Variants in PUM3 observed in about 807,000 individuals in gnomAD.
The protein encoded by PUM3 is pumilio RNA binding family member 3.
In PUM3, 91 loss-of-function variants were observed where a neutral mutation model predicts 84.0. The observed-to-expected ratio is 1.08, with a 90% CI of 0.91 to 1.29. The LOEUF (loss-of-function observed/expected upper bound fraction) is 1.29, where lower values mean the gene tolerates loss of function less well. PUM3 is among the 50% of genes most tolerant of loss of function. The pLI is 0.00. For missense variants in PUM3, 1,067 were observed against 767.5 expected, an observed-to-expected ratio of 1.39 and a Z score of -4.61; for synonymous variants, 321 against 266.7, an observed-to-expected ratio of 1.20 and a Z score of -1.98.
At chr9:2,819,640 T>C (rs143346028) in intron 13 of PUM3, among the ~76,000 whole-genome samples, 13 of 152,320 alleles carry the variant, frequency 8.5e-5, no homozygotes, top group African/African-American at 3.1e-4. Context: ...TCTCTGCTTG[T>C]ATTTGAGTTC....
At chr9:2,840,313 A>C (rs1169469029) in intron 1 of PUM3, among the ~76,000 whole-genome samples, 1 of 152,208 alleles carries the variant, frequency 6.6e-6, no homozygotes, top group Non-Finnish European at 1.5e-5. Flanking sequence ...GTCAGAGGAA[A>C]ATTAAGCTCC....
chr9:2,816,213 G>A (rs574745195), intron 13 of PUM3, among the ~76,000 whole-genome samples: 4 of 152,292 alleles, frequency 2.6e-5, no homozygotes, highest in African/African-American at 9.6e-5. Flanking sequence ...TAGTGAAGAG[G>A]GAAGAGAGTT....
chr9:2,816,562 T>A (rs1211350120), intron 13 of PUM3, among the ~76,000 whole-genome samples: 1 of 152,212 alleles, frequency 6.6e-6, no homozygotes, highest in Non-Finnish European at 1.5e-5. Context: ...TCTATCGCCA[T>A]GGAGCTCACA....
intron 13 of PUM3, among the ~76,000 whole-genome samples, chr9:2,819,215 CAAAAG>C (rs1394758017): frequency 3.9e-5 from 6 of 152,132 alleles, no homozygotes; most frequent in South Asian, 2.1e-4. Flanking sequence ...ACACTAAAAA[CAAAAG>C]AAAAGACAAT....
chr9:2,840,450 C>A (rs377190959), intron 1 of PUM3, among the ~76,000 whole-genome samples: 3 of 152,156 alleles, frequency 2.0e-5, no homozygotes, highest in African/African-American at 7.2e-5. Flanking sequence ...GTTTTACCTG[C>A]TAACTTTAGC....
chr9:2,831,323 T>A lies in PUM3; in HGVS notation c.538A>T (p.Thr180Ser), dbSNP rs1219804185. ...IKTIAFAHDS[T>S]RVIQCYIQYG... Reference sequence around the variant, plus strand: ...TGAATGTAACACTGGATCACACGAGTTGAATCGTGTGCAAATGCAATCTGC... The same window carrying A: ...TGAATGTAACACTGGATCACACGAGATGAATCGTGTGCAAATGCAATCTGC... Residue 180 changes from threonine to serine, a missense_variant, in exon 6 of 18, where the codon ACT becomes TCT. Coordinates refer to ENST00000397885, the MANE Select transcript of PUM3 (RefSeq NM_014878.5). The A allele has an allele frequency of 1.2e-6, 2 of 1,607,548 alleles. No individual in the cohort carries two copies. The highest frequency in any genetic ancestry group is 4.5e-5 in the East Asian group (2 of 44,756).
chr9:2,816,682 C>T (rs1821476296), intron 13 of PUM3, among the ~76,000 whole-genome samples: 1 of 152,262 alleles, frequency 6.6e-6, no homozygotes, highest in South Asian at 2.1e-4. Flanking sequence ...GGCCTGGCCA[C>T]TCATTTACCT....
At chr9:2,823,508 G>C (rs1042471305) in intron 12 of PUM3, among the ~76,000 whole-genome samples, 1 of 151,982 alleles carries the variant, frequency 6.6e-6, no homozygotes, top group African/African-American at 2.4e-5. Flanking sequence ...CACCAAAAAA[G>C]CTAGTAAATA....
chr9:2,833,191 C>G (rs1816029460), intron 5 of PUM3, among the ~76,000 whole-genome samples, 166 bp downstream of exon 5: 1 of 152,122 alleles, frequency 6.6e-6, no homozygotes, highest in South Asian at 2.1e-4. Context: ...TAAGGTCCCT[C>G]ACTTTTAAAT....
intron 12 of PUM3, among the ~76,000 whole-genome samples, chr9:2,820,684 GAATAT>G (rs1821571625): frequency 6.6e-6 from 1 of 151,704 alleles, no homozygotes; most frequent in Non-Finnish European, 1.5e-5. Context: ...CACAAAATTA[GAATAT>G]AAATATGAAA....
chr9:2,838,530 A>C lies in PUM3; in HGVS notation c.-10-13T>G, dbSNP rs1182655692. ...CATCGTAGCAACTCTGGAAAACCAA[A>C]ACCAAAACCAAAAACAATCACTGCA... On this transcript the variant is annotated splice_polypyrimidine_tract_variant and intron_variant, in intron 1 of 17. Transcript: ENST00000397885. The C allele has an allele frequency of 6.5e-7, 1 of 1,532,658 alleles. No individual in the cohort carries two copies. Among genetic ancestry groups the C allele is most frequent in the South Asian group, 1.1e-5 (1 of 89,332 alleles). The allele number at this position is 1,532,658 out of a possible 1,614,324, so 94.9% of individuals were successfully genotyped here. A position where few individuals can be genotyped will look rare whatever the true frequency, so the allele number is the denominator to read the frequency against.
At chr9:2,832,340 AGGAACTCG>A (rs1237133908) in intron 5 of PUM3, among the ~76,000 whole-genome samples, 2 of 152,226 alleles carry the variant, frequency 1.3e-5, no homozygotes. Flanking sequence ...GGTTATGAGA[AGGAACTCG>A]CTATCTCTAT....
At position 2,810,375 on chromosome 9, in the gene PUM3, T is replaced by C. The variant is rs770034097; in HGVS notation, c.1692A>G (p.Gln564=). Residue 564 remains glutamine, a synonymous_variant, in exon 16 of 18, where the codon CAA becomes CAG. Coordinates refer to ENST00000397885, the MANE Select transcript of PUM3 (RefSeq NM_014878.5). ...GHLVLKWLIE[Q]DKKMKENGRE... ...TCCCATTTTCTTTCATCTTTTTATC[T>C]TGCTCTATTAACCACTTCAGAACTA... The C allele has an allele frequency of 6.2e-7, 1 of 1,612,070 alleles. No homozygotes were observed. Among genetic ancestry groups the C allele is most frequent in the South Asian group, 1.1e-5 (1 of 90,980 alleles).
intron 9 of PUM3, 113 bp from the exon 10 acceptor site, chr9:2,827,264 G>A (rs1027916626): frequency 1.5e-6 from 1 of 667,042 alleles, no homozygotes. Context: ...TGGTTTTACT[G>A]AATACAATTT....
chr9:2,827,230 CTAAAG>C (rs1815847241), intron 9 of PUM3, 79 bp from the exon 10 acceptor site: 1 of 879,418 alleles, frequency 1.1e-6, no homozygotes, highest in Admixed American at 2.7e-5. Flanking sequence ...TCTCAAAGTC[CTAAAG>C]TAATCTAAAC....
At chr9:2,817,764 C>T (rs1821501031) in intron 13 of PUM3, among the ~76,000 whole-genome samples, 1 of 152,108 alleles carries the variant, frequency 6.6e-6, no homozygotes, top group Admixed American at 6.5e-5. Context: ...AGTTTTATTT[C>T]ATGTCAGGTG....
intron 17 of PUM3, among the ~76,000 whole-genome samples, chr9:2,806,887 G>C (rs976095779): frequency 6.6e-6 from 1 of 152,102 alleles, no homozygotes; most frequent in African/African-American, 2.4e-5. Flanking sequence ...CATTGTCACA[G>C]TTTTCACAGG....
intron 16 of PUM3, 188 bp from the exon 17 acceptor site, chr9:2,808,092 C>T: frequency 1.9e-6 from 1 of 536,992 alleles, no homozygotes; most frequent in Admixed American, 3.4e-5. Flanking sequence ...CTAAAAGAGC[C>T]ATTTCTTTTA....
intron 13 of PUM3, among the ~76,000 whole-genome samples, chr9:2,817,281 G>C (rs1418660442): frequency 6.6e-6 from 1 of 152,178 alleles, no homozygotes; most frequent in African/African-American, 2.4e-5. Context: ...AAATGATTTA[G>C]AATAGGGATG....
Sources: allele counts gnomAD v4.1 joint callset (sites outside exome capture counted in the v4.1 genomes callset), GRCh38; gene constraint gnomAD v4.1.1; transcripts MANE v1.5; gene names NCBI Gene and HGNC (gene_info 2026-07-23, HGNC 2026-07-21).